NELL1: variants seen among roughly 807,000 people sequenced by gnomAD.
The protein encoded by NELL1 is neural EGFL like 1.
A neutral mutation model predicts 107.4 loss-of-function variants in NELL1; 76 were observed. The observed-to-expected ratio is 0.71, with a 90% CI of 0.59 to 0.86. The LOEUF is 0.86. Among genes scored for constraint, NELL1 ranks in the 40% least tolerant of loss-of-function variants. The pLI, the probability that NELL1 is intolerant of heterozygous loss-of-function variation, is 0.00. For synonymous variants in NELL1, 353 were observed against 341.2 expected (o/e 1.03, Z -0.38); for missense variants, 1,024 against 1,005.5 (o/e 1.02, Z -0.25).
intron 13 of NELL1, among the ~76,000 whole-genome samples, chr11:21,161,711 T>C (rs1018962281): frequency 6.6e-6 from 1 of 152,090 alleles, no homozygotes; most frequent in African/African-American, 2.4e-5. Flanking sequence ...GTACATTTTA[T>C]TTAATCTACT....
chr11:21,150,059 T>A (rs1241988580), intron 13 of NELL1, among the ~76,000 whole-genome samples: 1 of 151,948 alleles, frequency 6.6e-6, no homozygotes, highest in African/African-American at 2.4e-5. Flanking sequence ...AGGAGAGTAT[T>A]TCAAGCAGAG....
At chr11:21,055,278 T>C (rs1428783456) in intron 12 of NELL1, among the ~76,000 whole-genome samples, 1 of 152,144 alleles carries the variant, frequency 6.6e-6, no homozygotes, top group African/African-American at 2.4e-5. Context: ...TCAATTTTAA[T>C]TTTTCTCTCT....
chr11:21,196,268 G>T (rs996675041), intron 13 of NELL1, among the ~76,000 whole-genome samples: 8 of 152,140 alleles, frequency 5.3e-5, no homozygotes, highest in Non-Finnish European at 8.8e-5. Context: ...TCTTACAGAG[G>T]TTGACGGAAA....
chr11:21,575,028 T>G lies in NELL1; in HGVS notation c.*6T>G. ...AGTGTCTTCAAAATAATTGAAGTAT[T>G]TACAGTGGACTCAACGCAGAAGAAT... On this transcript the variant is annotated 3_prime_UTR_variant, in exon 20 of 20. Transcript: ENST00000357134. The G allele has an allele frequency of 1.2e-6, 2 of 1,606,310 alleles. No individual in the cohort carries two copies. The highest frequency in any genetic ancestry group is 1.7e-6 in the Non-Finnish European group (2 of 1,173,816).
intron 17 of NELL1, among the ~76,000 whole-genome samples, chr11:21,564,728 C>T (rs941195175): frequency 5.9e-5 from 9 of 151,590 alleles, no homozygotes; most frequent in African/African-American, 1.9e-4. Flanking sequence ...AAAGGGATAC[C>T]ATAAATAGCC....
intron 13 of NELL1, among the ~76,000 whole-genome samples, chr11:21,156,957 C>T (rs1356625628): frequency 2.0e-5 from 3 of 149,260 alleles, no homozygotes; most frequent in Admixed American, 1.3e-4. Flanking sequence ...AAAAAATTAG[C>T]CAGATGTGGT....
At position 20,674,491 on chromosome 11, in the gene NELL1, G is replaced by C. The variant is rs768758090; in HGVS notation, c.56-3441G>C. The C allele has an allele frequency of 8.0e-5, 123 of 1,535,928 alleles. No individual in the cohort carries two copies. The African/African-American group carries it at 1.5e-3, about 19-fold the overall frequency. On this transcript the variant is annotated intron_variant, in intron 1 of 19. Transcript: ENST00000357134. Reference sequence around the variant, plus strand: ...CCAAAACATGAAATTTCCTACAGCAGAAGATATGAAGCCACCCGTGTTATC... The same window carrying C: ...CCAAAACATGAAATTTCCTACAGCACAAGATATGAAGCCACCCGTGTTATC...
chr11:21,099,206 CACACACACACACACACACACACACACAA>C (rs1225354740), intron 12 of NELL1, among the ~76,000 whole-genome samples: 2 of 132,824 alleles, frequency 1.5e-5, no homozygotes, highest in African/African-American at 3.2e-5. Flanking sequence ...CACACACACA[CACACACACACACACACACACACACACAA>C]ACACACACAC....
chr11:20,723,017 A>G (rs1352503675), intron 2 of NELL1, among the ~76,000 whole-genome samples: 1 of 152,180 alleles, frequency 6.6e-6, no homozygotes, highest in Non-Finnish European at 1.5e-5. Flanking sequence ...ATCAGCTCTC[A>G]TAAGAACTCA....
chr11:21,301,798 G>A (rs1204734377), intron 14 of NELL1, among the ~76,000 whole-genome samples: 1 of 151,736 alleles, frequency 6.6e-6, no homozygotes, highest in Non-Finnish European at 1.5e-5. Context: ...CCAACAGAAG[G>A]CAACAAAACT....
At chr11:21,391,302 T>C (rs1188127995) in intron 15 of NELL1, among the ~76,000 whole-genome samples, 1 of 151,738 alleles carries the variant, frequency 6.6e-6, no homozygotes, top group Non-Finnish European at 1.5e-5. Context: ...TTTTTCATCC[T>C]CAGGAAATTT....
chr11:20,935,027 A>C (rs953254212), intron 9 of NELL1, among the ~76,000 whole-genome samples: 1 of 152,210 alleles, frequency 6.6e-6, no homozygotes, highest in African/African-American at 2.4e-5. Context: ...TGGATCAAGA[A>C]ATTTGACTGT....
intron 12 of NELL1, among the ~76,000 whole-genome samples, chr11:21,035,714 G>A (rs997173302): frequency 2.0e-5 from 3 of 152,044 alleles, no homozygotes; most frequent in Non-Finnish European, 4.4e-5. Flanking sequence ...CTATAAACTG[G>A]GTATCGAAGG....
intron 12 of NELL1, among the ~76,000 whole-genome samples, chr11:21,023,876 C>T (rs1852755535): frequency 1.3e-5 from 2 of 152,094 alleles, no homozygotes; most frequent in Non-Finnish European, 1.5e-5. Context: ...TTCAGTGTAC[C>T]ATATTTTACT....
chr11:21,518,043 G>A (rs1022940938), intron 15 of NELL1, among the ~76,000 whole-genome samples: 70 of 151,404 alleles, frequency 4.6e-4, no homozygotes, highest in African/African-American at 1.3e-3. Flanking sequence ...CAGACAAAAC[G>A]GCATAAATGC....
chr11:21,062,530 TAGA>T (rs1853766036), intron 12 of NELL1, among the ~76,000 whole-genome samples: 1 of 152,186 alleles, frequency 6.6e-6, no homozygotes, highest in African/African-American at 2.4e-5. Context: ...AACCAAAAGG[TAGA>T]AGGAGTGAAC....
At position 21,520,097 on chromosome 11, in the gene NELL1, C is replaced by T. The variant is rs182992005; in HGVS notation, c.1646-14277C>T. Among the ~76,000 whole-genome samples the T allele has an allele frequency of 5.7e-4, 87 of 152,258 alleles. No individual in the cohort carries two copies. In the South Asian group the frequency reaches 5.8e-3, roughly 10 times the overall value. Reference sequence around the variant, plus strand: ...GGAGCATTCCAAAGGAAAACACACACGCTGTCAAAGTAGCATGATTTCTTC... The same window carrying T: ...GGAGCATTCCAAAGGAAAACACACATGCTGTCAAAGTAGCATGATTTCTTC... On this transcript the variant is annotated intron_variant, in intron 15 of 19. Coordinates refer to ENST00000357134, the MANE Select transcript of NELL1 (RefSeq NM_006157.5).
At chr11:21,341,487 TG>T (rs1850563635) in intron 14 of NELL1, among the ~76,000 whole-genome samples, 1 of 152,200 alleles carries the variant, frequency 6.6e-6, no homozygotes, top group South Asian at 2.1e-4. Flanking sequence ...CAAAGCCTCA[TG>T]TTGGTAATTC....
At chr11:21,374,017 A>C (rs2133757509) in intron 15 of NELL1, among the ~76,000 whole-genome samples, 1 of 152,214 alleles carries the variant, frequency 6.6e-6, no homozygotes, top group African/African-American at 2.4e-5. Context: ...AGCCACCTAC[A>C]AAACAGCATG....
Sources: allele counts gnomAD v4.1 joint callset (sites outside exome capture counted in the v4.1 genomes callset), GRCh38; gene constraint gnomAD v4.1.1; transcripts MANE v1.5; gene names NCBI Gene and HGNC (gene_info 2026-07-23, HGNC 2026-07-21).